The following DNAH2 variants were observed in gnomAD, a reference collection of about 807,000 sequenced individuals.
DNAH2 encodes the protein dynein axonemal heavy chain 2.
Under a neutral mutation model 523.5 loss-of-function variants are expected in DNAH2, and 323 were observed. The ratio of observed to expected loss-of-function variants is 0.62; its 90% CI spans 0.56 to 0.68. DNAH2 has a LOEUF of 0.68. Ranked by LOEUF, DNAH2 falls within the 30% of genes least tolerant of loss-of-function variation. The probability of loss-of-function intolerance (pLI) is 0.00; values close to 1 mark genes in which losing one functional copy is unlikely to be tolerated. For synonymous variants in DNAH2, 2,093 were observed against 2,177.4 expected (o/e 0.96, Z 1.08); for missense variants, 4,907 against 5,701.5 (o/e 0.86, Z 4.49).
At chr17:7,775,908 C>A (rs1597619210) in intron 30 of DNAH2, 116 bp from the exon 31 acceptor site, 3 of 1,389,750 alleles carry the variant, frequency 2.2e-6, no homozygotes, top group Non-Finnish European at 2.9e-6. Context: ...GTTGGCCATT[C>A]CCGCTTTTCT....
rs2077965616 is a variant in DNAH2, at chr17:7,824,529, C to T, written c.11663-8C>T. ...ATGATTCCCACTGACCCTGGCATCT[C>T]CTTGCAGGACACTGGGTGTTCCTGG... On this transcript the variant is annotated splice_region_variant and splice_polypyrimidine_tract_variant and intron_variant, in intron 76 of 85. Coordinates refer to ENST00000572933, the MANE Select transcript of DNAH2 (RefSeq NM_020877.5). 3 of 1,539,404 alleles carry T rather than the reference C, an allele frequency of 1.9e-6. No individual in the cohort carries two copies. The highest frequency in any genetic ancestry group is 2.4e-5 in the South Asian group (2 of 82,542).
intron 58 of DNAH2, among the ~76,000 whole-genome samples, chr17:7,803,951 G>A (rs575514008): frequency 6.6e-6 from 1 of 152,370 alleles, no homozygotes; most frequent in East Asian, 1.9e-4. Context: ...TCCACAGTGG[G>A]AAACAGAGGA....
intron 44 of DNAH2, among the ~76,000 whole-genome samples, chr17:7,791,667 G>A (rs1263365150): frequency 6.6e-6 from 1 of 152,226 alleles, no homozygotes; most frequent in East Asian, 1.9e-4. Flanking sequence ...GTGGCCAGAT[G>A]ATGGCTGCAT....
intron 58 of DNAH2, among the ~76,000 whole-genome samples, chr17:7,803,380 T>C (rs931275978): frequency 6.6e-6 from 1 of 152,114 alleles, no homozygotes; most frequent in Non-Finnish European, 1.5e-5. Flanking sequence ...TTTTAAAAGA[T>C]ACAAATAAGG....
chr17:7,802,062 T>G, intron 58 of DNAH2, 45 bp downstream of exon 58: 1 of 1,609,776 alleles, frequency 6.2e-7, no homozygotes, highest in Non-Finnish European at 8.5e-7. Context: ...GAGGCTGGTG[T>G]CTTCTGAGGG....
intron 63 of DNAH2, among the ~76,000 whole-genome samples, chr17:7,815,645 C>T (rs912803619): frequency 5.6e-5 from 8 of 143,238 alleles, no homozygotes; most frequent in Admixed American, 1.4e-4. Flanking sequence ...ATCACACACA[C>T]GTATACGGGA....
At chr17:7,726,178 G>T (rs1371766155) in intron 3 of DNAH2, among the ~76,000 whole-genome samples, 1 of 151,670 alleles carries the variant, frequency 6.6e-6, no homozygotes, top group Admixed American at 6.6e-5. Flanking sequence ...GCTGATTTTT[G>T]TATTTTTAGT....
At chr17:7,742,111 A>C (rs2075371655) in intron 11 of DNAH2, among the ~76,000 whole-genome samples, 1 of 152,102 alleles carries the variant, frequency 6.6e-6, no homozygotes, top group South Asian at 2.1e-4. Flanking sequence ...GACAGCACAA[A>C]GAAACAACAG....
chr17:7,822,562 C>T (rs1316003737), intron 73 of DNAH2, among the ~76,000 whole-genome samples: 1 of 151,980 alleles, frequency 6.6e-6, no homozygotes, highest in Non-Finnish European at 1.5e-5. Context: ...TCTCCCTTAC[C>T]CTCCTCAGAG....
intron 15 of DNAH2, 86 bp from the exon 16 acceptor site, chr17:7,759,336 T>C: frequency 6.6e-7 from 1 of 1,518,818 alleles, no homozygotes; most frequent in South Asian, 1.3e-5. Context: ...CCAACTTGTT[T>C]CCTTCCCTGT....
chr17:7,770,954 C>A, intron 27 of DNAH2, 21 bp downstream of exon 27: 1 of 1,608,974 alleles, frequency 6.2e-7, no homozygotes, highest in Middle Eastern at 2.0e-4. Context: ...AGCGCCTGAG[C>A]TCTTCCTGCT....
chr17:7,824,457 C>G, intron 76 of DNAH2, 80 bp from the exon 77 acceptor site: 2 of 1,410,598 alleles, frequency 1.4e-6, no homozygotes, highest in Non-Finnish European at 1.9e-6. Context: ...CCAGCACCCC[C>G]ACCCCAACAC....
In DNAH2 at chr17:7,794,262, C is replaced by T. The variant is rs866169545; in HGVS notation, c.7578C>T (p.Phe2526=). ...KQTIKYIREM[F]LMAAMGPPGG... is the part of the protein sequence containing the mutation. ...TTGTCGCTGCTCTCTAGGAAATGTT[C>T]CTGATGGCTGCCATGGGCCCCCCTG... Residue 2526 remains phenylalanine (F), a synonymous_variant, in exon 49 of 86, where the codon TTC becomes TTT. Transcript: ENST00000572933. The T allele has an allele frequency of 1.9e-6, 3 of 1,607,556 alleles. No homozygotes were observed. The highest frequency in any genetic ancestry group is 2.5e-6 in the Non-Finnish European group (3 of 1,177,104).
intron 63 of DNAH2, among the ~76,000 whole-genome samples, chr17:7,812,858 A>G (rs9303223): frequency 0.85 from 127,121 of 148,934 alleles, 55,574 homozygotes; most frequent in Non-Finnish European, 0.94. Context: ...CAGGAGAATC[A>G]CTTGAACCCG....
At chr17:7,767,838 G>T in intron 22 of DNAH2, 62 bp from the exon 23 acceptor site, 1 of 1,606,338 alleles carries the variant, frequency 6.2e-7, no homozygotes. Context: ...AAGGGCCTGG[G>T]CGTCCGTCAG....
chr17:7,765,283 GT>G, intron 20 of DNAH2, 107 bp from the exon 21 acceptor site: 1 of 849,664 alleles, frequency 1.2e-6, no homozygotes, highest in South Asian at 1.9e-5. Context: ...CCTGCTCCTG[GT>G]CATCCTCCAC....
intron 58 of DNAH2, among the ~76,000 whole-genome samples, chr17:7,804,030 G>C (rs1234555425): frequency 2.0e-5 from 3 of 152,178 alleles, no homozygotes; most frequent in Non-Finnish European, 4.4e-5. Context: ...GTGGTGTGTA[G>C]AACAAACCAG....
At chr17:7,756,774 G>A (rs2075851317) in intron 12 of DNAH2, among the ~76,000 whole-genome samples, 1 of 152,142 alleles carries the variant, frequency 6.6e-6, no homozygotes, top group Admixed American at 6.5e-5. Context: ...AGGCTTAAGC[G>A]ATTCTTGTGC....
In DNAH2 at chr17:7,744,608, G is replaced by A. The variant is rs192246973; in HGVS notation, c.1904+1466G>A. Among the ~76,000 whole-genome samples, 276 of 152,272 alleles carry A rather than the reference G, an allele frequency of 1.8e-3. 2 individuals are homozygous for A. The highest frequency in any genetic ancestry group is 6.3e-3 in the African/African-American group (260 of 41,550). On this transcript the variant is annotated intron_variant, in intron 12 of 85. Coordinates refer to ENST00000572933, the MANE Select transcript of DNAH2 (RefSeq NM_020877.5). ...AGGAGCAGAGTGTGCACATGGCTAG[G>A]TCGAGAGGTTTGAGAAAAGGCTTCG...
Sources: gnomAD v4.1 joint callset for allele counts (sites outside exome capture counted in the v4.1 genomes callset) on GRCh38, gnomAD v4.1.1 for gene constraint, MANE v1.5 for transcripts, NCBI Gene and HGNC (gene_info 2026-07-23, HGNC 2026-07-21) for gene names.